C1orf141: variants seen among roughly 807,000 people sequenced by gnomAD.
The protein encoded by C1orf141 is chromosome 1 open reading frame 141, also known as uncharacterized protein C1orf141.
A neutral mutation model predicts 23.2 loss-of-function variants in C1orf141; 19 were observed. The ratio of observed to expected loss-of-function variants is 0.82; its 90% CI spans 0.57 to 1.20. The LOEUF (loss-of-function observed/expected upper bound fraction) is 1.20, where lower values mean the gene tolerates loss of function less well. C1orf141 is among the 50% of genes most tolerant of loss of function. C1orf141 has a pLI of 0.00. For missense variants in C1orf141, 469 were observed against 455.1 expected (o/e 1.03, Z -0.28); for synonymous variants, 153 against 154.6 (o/e 0.99, Z 0.08).
At position 67,130,738 on chromosome 1, in the gene C1orf141, A is replaced by G. The variant is rs145955117; in HGVS notation, c.-18+404T>C. 1.2e-3 allele frequency among the ~76,000 whole-genome samples: 177 copies of G among 152,364 alleles called. 1 individual carries two copies. Among genetic ancestry groups the G allele is most frequent in the African/African-American group, 4.1e-3 (171 of 41,594 alleles). The stretch of plus-strand genomic sequence containing the variant: ...ACTAACCAATTATTTTCAAGGGTCA[A>G]CAACAGTTTTATGAATACTAAATTT... On this transcript the variant is annotated intron_variant, in intron 2 of 7. Transcript: ENST00000684719.
chr1:67,129,785 C>T (rs1300122247), intron 2 of C1orf141, among the ~76,000 whole-genome samples: 1 of 152,262 alleles, frequency 6.6e-6, no homozygotes, highest in East Asian at 1.9e-4. Context: ...AACTCTAAAC[C>T]AATTTTGCCC....
At chr1:67,133,202 G>A (rs979437542) in intron 1 of C1orf141, among the ~76,000 whole-genome samples, 2 of 152,186 alleles carry the variant, frequency 1.3e-5, no homozygotes, top group African/African-American at 4.8e-5. Flanking sequence ...GAGTTCTTCA[G>A]CAAGTTCTAA....
At position 67,100,875 on chromosome 1, in the gene C1orf141, G is replaced by T. The variant is rs1009701476; in HGVS notation, c.347-4554C>A. Among the ~76,000 whole-genome samples the T allele has an allele frequency of 2.6e-5, 4 of 152,174 alleles. No homozygotes were observed. In the East Asian group the frequency reaches 7.7e-4, roughly 29 times the overall value. The stretch of plus-strand genomic sequence containing the variant: ...TTAGCTACCTCAGTAGGCTGCTAAG[G>T]AAGCTGGAGCCCTGGAAGATCGTGG... On this transcript the variant is annotated intron_variant, in intron 5 of 7. Transcript: ENST00000684719.
chr1:67,113,036 G>T (rs1570706235), intron 5 of C1orf141, among the ~76,000 whole-genome samples: 1 of 152,264 alleles, frequency 6.6e-6, no homozygotes, highest in African/African-American at 2.4e-5. Flanking sequence ...CTGGAGTGCA[G>T]TGGCACCATC....
chr1:67,120,569 T>C (rs949954301), intron 4 of C1orf141, among the ~76,000 whole-genome samples: 3 of 151,814 alleles, frequency 2.0e-5, no homozygotes, highest in African/African-American at 7.3e-5. Context: ...GGTAATTAGG[T>C]CATGAGGGTG....
chr1:67,103,927 G>A (rs1645864308), intron 5 of C1orf141, among the ~76,000 whole-genome samples: 1 of 151,974 alleles, frequency 6.6e-6, no homozygotes, highest in African/African-American at 2.4e-5. Context: ...ATATGCACAT[G>A]TTAATATAAA....
chr1:67,116,459 G>A (rs553654487), intron 4 of C1orf141, among the ~76,000 whole-genome samples: 1 of 151,546 alleles, frequency 6.6e-6, no homozygotes, highest in South Asian at 2.1e-4. Context: ...TCTTCTGTTT[G>A]CTCTCCCTGC....
chr1:67,102,794 G>C (rs1570686801), intron 5 of C1orf141: 7 of 152,082 alleles, frequency 4.6e-5, no homozygotes, highest in Admixed American at 4.6e-4. Flanking sequence ...CTGAATATCT[G>C]ATGACATTAT....
intron 5 of C1orf141, among the ~76,000 whole-genome samples, chr1:67,097,348 A>G (rs1176652195): frequency 3.9e-5 from 6 of 152,254 alleles, no homozygotes; most frequent in Non-Finnish European, 1.5e-5. Context: ...TACTTCACCT[A>G]GGGTGGCTAT....
chr1:67,100,171 C>T (rs922541511), intron 5 of C1orf141, among the ~76,000 whole-genome samples: 4 of 152,092 alleles, frequency 2.6e-5, no homozygotes, highest in Non-Finnish European at 5.9e-5. Flanking sequence ...TCCCCTGCCC[C>T]CTTTTAGTCA....
rs767143667 is a variant in C1orf141 at position 67,093,402 on chromosome 1, T to G, written c.806A>C (p.Gln269Pro). The G allele has an allele frequency of 1.2e-6, 2 of 1,613,004 alleles. No homozygotes were observed. The highest frequency in any genetic ancestry group is 1.7e-6 in the Non-Finnish European group (2 of 1,179,608). Residue 269 changes from glutamine (Q) to proline (P), a missense_variant, in exon 8 of 8, where the codon CAA becomes CCA. Transcript: ENST00000684719. ...GNQSISLFKP[Q>P]KTMPTVQRKD... ...TCTCTGTACTGTAGGCATAGTTTTT[T>G]GGGGTTTGAAAAGAGAAATAGATTG...
intron 5 of C1orf141, among the ~76,000 whole-genome samples, chr1:67,101,139 G>A (rs1023409590): frequency 5.9e-5 from 9 of 151,948 alleles, no homozygotes; most frequent in Admixed American, 5.9e-4. Context: ...AGTTATCGTT[G>A]GTCACAGTCC....
chr1:67,129,848 T>C (rs913658235), intron 2 of C1orf141, among the ~76,000 whole-genome samples: 5 of 152,180 alleles, frequency 3.3e-5, no homozygotes, highest in African/African-American at 7.2e-5. Flanking sequence ...CTAGTGCCAA[T>C]TTGTAACATT....
At chr1:67,133,438 A>G (rs1464758599) in intron 1 of C1orf141, among the ~76,000 whole-genome samples, 2 of 152,230 alleles carry the variant, frequency 1.3e-5, no homozygotes, top group Admixed American at 1.3e-4. Context: ...ATGTTTACTC[A>G]ATAATTAGAT....
At position 67,093,073 on chromosome 1, in the gene C1orf141, C is replaced by CAT. The variant is rs112014958; in HGVS notation, c.1133_1134dup (p.Glu379MetfsTer3). ...TCCAGTGGCGTTACATTATTTAGTT[C>CAT]ATATATATATTTAAAAGGCTTTGAG... On this transcript the variant is annotated frameshift_variant, in exon 8 of 8. Transcript: ENST00000684719. LOFTEE classifies it low-confidence loss of function (END_TRUNC). 2.4e-5 allele frequency: 38 copies of CAT among 1,606,258 alleles called. No individual in the cohort carries two copies. The highest frequency in any genetic ancestry group is 2.7e-5 in the Non-Finnish European group (32 of 1,173,316).
intron 5 of C1orf141, among the ~76,000 whole-genome samples, chr1:67,098,856 A>G (rs996982400): frequency 4.6e-5 from 7 of 152,174 alleles, no homozygotes; most frequent in Admixed American, 4.6e-4. Flanking sequence ...AAAAACTGGA[A>G]ATCTTGGAAG....
At chr1:67,125,124 C>A (rs1646379977) in intron 4 of C1orf141, among the ~76,000 whole-genome samples, 1 of 152,188 alleles carries the variant, frequency 6.6e-6, no homozygotes, top group Non-Finnish European at 1.5e-5. Flanking sequence ...GTTTTCTAGG[C>A]AGACTTTTTC....
At chr1:67,096,414 A>C (rs1358708904) in intron 5 of C1orf141, 93 bp from the exon 6 acceptor site, 1 of 686,026 alleles carries the variant, frequency 1.5e-6, no homozygotes, top group African/African-American at 1.8e-5. Context: ...TTAAAATAAC[A>C]TATGGAAAGT....
At position 67,095,268 on chromosome 1, in the gene C1orf141, G is replaced by A. The variant is rs746463773; in HGVS notation, c.570C>T (p.Asn190=). ...ELKNPHAKIV[N]VSPTKTVTSH... is the part of the protein sequence containing the mutation. ...AAGTTACTGTCTTTGTTGGACTAAC[G>A]TTGACTATCTTGGCATGTGGATTTT... The change falls in exon 7 of 8, where the codon AAC becomes AAT. Residue 190 remains asparagine, a synonymous_variant. Transcript: ENST00000684719. The A allele has an allele frequency of 1.0e-5, 16 of 1,595,828 alleles. No individual in the cohort carries two copies. The highest frequency in any genetic ancestry group is 1.4e-5 in the African/African-American group (1 of 73,712).
Sources: gnomAD v4.1 joint callset for allele counts (sites outside exome capture counted in the v4.1 genomes callset) on GRCh38, gnomAD v4.1.1 for gene constraint, MANE v1.5 for transcripts, NCBI Gene and HGNC (gene_info 2026-07-23, HGNC 2026-07-21) for gene names.